CLVS1: variants seen among roughly 807,000 people sequenced by gnomAD.
The protein encoded by CLVS1 is clavesin 1.
Under a neutral mutation model 33.1 loss-of-function variants are expected in CLVS1, and 10 were observed. That is an observed-to-expected ratio of 0.30 (90% CI 0.19 to 0.51). The LOEUF (loss-of-function observed/expected upper bound fraction) is 0.51, where lower values mean the gene tolerates loss of function less well. CLVS1 is among the 20% of genes least tolerant of loss of function. CLVS1 has a pLI of 0.97. For missense variants in CLVS1, 343 were observed against 433.4 expected, an observed-to-expected ratio of 0.79 and a Z score of 1.85; for synonymous variants, 163 against 166.1, an observed-to-expected ratio of 0.98 and a Z score of 0.14.
At chr8:61,401,698 A>G (rs1814767704) in intron 3 of CLVS1, among the ~76,000 whole-genome samples, 1 of 152,170 alleles carries the variant, frequency 6.6e-6, no homozygotes, top group Admixed American at 6.6e-5. Flanking sequence ...ACAGTTTTAG[A>G]AAAAAACTAT....
intron 2 of CLVS1, among the ~76,000 whole-genome samples, chr8:61,277,859 A>G (rs1809591931): frequency 6.6e-6 from 1 of 152,232 alleles, no homozygotes; most frequent in Non-Finnish European, 1.5e-5. Flanking sequence ...GACAAAGAAC[A>G]GTACTTTAGA....
intron 1 of CLVS1, among the ~76,000 whole-genome samples, chr8:61,291,664 C>G (rs1490750239): frequency 1.3e-5 from 2 of 151,912 alleles, no homozygotes; most frequent in Admixed American, 1.3e-4. Context: ...TTCCTTTTTT[C>G]TCTTCTTCCC....
chr8:61,149,995 G>C (rs1396984742), intron 2 of CLVS1, among the ~76,000 whole-genome samples: 1 of 152,118 alleles, frequency 6.6e-6, no homozygotes, highest in Non-Finnish European at 1.5e-5. Context: ...GTGAGAATGT[G>C]ACTGTGCTCA....
chr8:61,142,936 A>T (rs1228580900), intron 2 of CLVS1, among the ~76,000 whole-genome samples: 1 of 152,218 alleles, frequency 6.6e-6, no homozygotes, highest in Non-Finnish European at 1.5e-5. Flanking sequence ...GCAAATTAAG[A>T]TGGAAAGATG....
chr8:61,226,980 G>GTTGTTTTTT (rs1808344319), intron 2 of CLVS1, among the ~76,000 whole-genome samples: 2 of 132,310 alleles, frequency 1.5e-5, no homozygotes, highest in African/African-American at 5.9e-5. Context: ...ACGAAAACAT[G>GTTGTTTTTT]TTTTTTTTTT....
At chr8:61,265,551 T>C (rs1393200132) in intron 2 of CLVS1, among the ~76,000 whole-genome samples, 1 of 152,244 alleles carries the variant, frequency 6.6e-6, no homozygotes, top group Admixed American at 6.5e-5. Flanking sequence ...GTTGCTATTG[T>C]TATGATTTTC....
intron 2 of CLVS1, among the ~76,000 whole-genome samples, chr8:61,191,523 A>G (rs1001506712): frequency 6.6e-6 from 1 of 152,208 alleles, no homozygotes; most frequent in Non-Finnish European, 1.5e-5. Context: ...AGTTCTGGCC[A>G]GGGCAATTAG....
At chr8:61,354,891 G>A (rs1277282269) in intron 2 of CLVS1, among the ~76,000 whole-genome samples, 1 of 152,130 alleles carries the variant, frequency 6.6e-6, no homozygotes, top group Non-Finnish European at 1.5e-5. Flanking sequence ...TATCTTGACT[G>A]GCTTGGTGAA....
chr8:61,369,444 G>A (rs528270356), intron 2 of CLVS1, among the ~76,000 whole-genome samples: 7 of 152,204 alleles, frequency 4.6e-5, no homozygotes, highest in East Asian at 3.9e-4. Context: ...AGTGTCTCAC[G>A]TGAATTCCCA....
chr8:61,102,378 T>G (rs902126559), intron 1 of CLVS1, among the ~76,000 whole-genome samples: 2 of 152,238 alleles, frequency 1.3e-5, no homozygotes, highest in African/African-American at 4.8e-5. Context: ...AAAAAAATTG[T>G]TTTCTTAATT....
chr8:61,443,667 G>A (rs1816650208), intron 3 of CLVS1, among the ~76,000 whole-genome samples: 1 of 151,822 alleles, frequency 6.6e-6, no homozygotes, highest in Non-Finnish European at 1.5e-5. Context: ...CTTGAAATTT[G>A]GTAGAATAAT....
At chr8:61,402,264 A>G (rs535685922) in intron 3 of CLVS1, among the ~76,000 whole-genome samples, 11 of 152,260 alleles carry the variant, frequency 7.2e-5, no homozygotes, top group African/African-American at 2.4e-4. Context: ...TTGGCAAATT[A>G]AAAGGCATGT....
intron 5 of CLVS1, among the ~76,000 whole-genome samples, chr8:61,467,891 C>T (rs993977882): frequency 1.3e-5 from 2 of 152,184 alleles, no homozygotes; most frequent in Non-Finnish European, 2.9e-5. Context: ...TAGGGATCGT[C>T]AGACTTTCCA....
intron 5 of CLVS1, among the ~76,000 whole-genome samples, chr8:61,491,051 C>T (rs1219285431): frequency 6.6e-6 from 1 of 151,966 alleles, no homozygotes; most frequent in African/African-American, 2.4e-5. Context: ...TTAGGAAAGG[C>T]CAAACTTCTG....
chr8:61,273,275 T>G (rs558731364), intron 2 of CLVS1, among the ~76,000 whole-genome samples: 11 of 152,224 alleles, frequency 7.2e-5, no homozygotes, highest in African/African-American at 2.4e-4. Context: ...CTGCCCCTGC[T>G]GGGGGGTGCC....
At chr8:61,416,132 T>C (rs1815420089) in intron 3 of CLVS1, among the ~76,000 whole-genome samples, 1 of 152,202 alleles carries the variant, frequency 6.6e-6, no homozygotes, top group African/African-American at 2.4e-5. Context: ...ATGGGACTTG[T>C]AAAAGAAGAA....
At chr8:61,436,108 T>C (rs1193731830) in intron 3 of CLVS1, among the ~76,000 whole-genome samples, 2 of 152,204 alleles carry the variant, frequency 1.3e-5, no homozygotes, top group Non-Finnish European at 1.5e-5. Context: ...GCCTACAAAA[T>C]AGCCTGTACT....
intron 3 of CLVS1, among the ~76,000 whole-genome samples, chr8:61,423,548 A>G (rs1263157209): frequency 6.6e-6 from 1 of 152,196 alleles, no homozygotes; most frequent in East Asian, 1.9e-4. Flanking sequence ...TCAGTGTTGC[A>G]TAATTGTGCT....
At chr8:61,172,839 C>T (rs1157799721) in intron 2 of CLVS1, among the ~76,000 whole-genome samples, 4 of 152,150 alleles carry the variant, frequency 2.6e-5, no homozygotes, top group African/African-American at 9.7e-5. Context: ...GGTTGCTACC[C>T]TTGTCTTCTT....
Sources: allele counts gnomAD v4.1 joint callset (sites outside exome capture counted in the v4.1 genomes callset), GRCh38; gene constraint gnomAD v4.1.1; transcripts MANE v1.5; gene names NCBI Gene and HGNC (gene_info 2026-07-23, HGNC 2026-07-21).